Variants in TRPS1 observed in about 807,000 individuals in gnomAD.
TRPS1 encodes zinc finger transcription factor Trps1.
TRPS1 carries 6 observed loss-of-function variants against 101.2 expected under a neutral mutation model. That is an observed-to-expected ratio of 0.06 (90% CI 0.03 to 0.12). The LOEUF is 0.12. Ranked by LOEUF, TRPS1 falls within the 10% of genes least tolerant of loss-of-function variation. TRPS1 has a pLI of 1.00. For synonymous variants in TRPS1, 578 were observed against 589.8 expected, an observed-to-expected ratio of 0.98 and a Z score of 0.29; for missense variants, 1,363 against 1,567.0, an observed-to-expected ratio of 0.87 and a Z score of 2.20.
intron 5 of TRPS1, among the ~76,000 whole-genome samples, chr8:115,478,532 A>C (rs1373867084): frequency 6.6e-6 from 1 of 152,102 alleles, no homozygotes; most frequent in East Asian, 1.9e-4. Context: ...GGCCGGGCAC[A>C]GTGGCTCATG....
chr8:115,504,259 G>A (rs1815387274), intron 5 of TRPS1, among the ~76,000 whole-genome samples: 1 of 152,148 alleles, frequency 6.6e-6, no homozygotes, highest in Non-Finnish European at 1.5e-5. Context: ...AGGGGAATGA[G>A]AACTAGGCAC....
intron 5 of TRPS1, among the ~76,000 whole-genome samples, chr8:115,554,934 T>G (rs1229622853): frequency 1.3e-5 from 2 of 151,986 alleles, no homozygotes; most frequent in Admixed American, 1.3e-4. Flanking sequence ...TGAGACCAGT[T>G]TGACAATGAG....
intron 5 of TRPS1, among the ~76,000 whole-genome samples, chr8:115,431,876 C>T (rs1168756434): frequency 6.6e-6 from 1 of 151,782 alleles, no homozygotes; most frequent in African/African-American, 2.4e-5. Context: ...ACATTTATAT[C>T]CATAAATTTT....
intron 1 of TRPS1, among the ~76,000 whole-genome samples, chr8:115,654,762 T>G (rs1319291156): frequency 6.6e-6 from 1 of 152,164 alleles, no homozygotes; most frequent in Non-Finnish European, 1.5e-5. Context: ...AAAAAAGCAT[T>G]AAGCCTAGAT....
At chr8:115,429,648 C>T (rs1001012685) in intron 5 of TRPS1, among the ~76,000 whole-genome samples, 1 of 152,144 alleles carries the variant, frequency 6.6e-6, no homozygotes, top group African/African-American at 2.4e-5. Flanking sequence ...GAAACCAAAA[C>T]CGAGACCTGG....
intron 5 of TRPS1, among the ~76,000 whole-genome samples, chr8:115,450,909 C>T (rs918517502): frequency 1.1e-4 from 17 of 151,804 alleles, no homozygotes; most frequent in African/African-American, 4.1e-4. Context: ...CGAAAACCCA[C>T]AGAACAACAA....
chr8:115,598,605 T>A (rs1162168966), intron 4 of TRPS1, among the ~76,000 whole-genome samples: 1 of 152,184 alleles, frequency 6.6e-6, no homozygotes, highest in Non-Finnish European at 1.5e-5. Context: ...CCCTGCCTAG[T>A]CTGTTCCTTT....
In TRPS1 at chr8:115,410,894, T is replaced by C. The variant is rs1360393807; in HGVS notation, c.*3129A>G. On this transcript the variant is annotated 3_prime_UTR_variant, in exon 7 of 7. Transcript: ENST00000395715. ...AATTCCTAAATCATCATGAAATTCC[T>C]CATTAAAAAAAGTTCCGTACCATAA... 6.6e-6 allele frequency: 1 copy of C among 151,958 alleles called. No homozygotes were observed. Among genetic ancestry groups the C allele is most frequent in the Non-Finnish European group, 1.5e-5 (1 of 67,964 alleles). 9.4% of individuals were successfully genotyped at this position (151,958 alleles called of 1,614,324 possible). A position where few individuals can be genotyped will look rare whatever the true frequency, so the allele number is the denominator to read the frequency against.
intron 5 of TRPS1, among the ~76,000 whole-genome samples, chr8:115,560,995 C>T (rs972465070): frequency 1.3e-5 from 2 of 152,142 alleles, no homozygotes; most frequent in Non-Finnish European, 1.5e-5. Context: ...ACTCAAAGTA[C>T]GAAAACCACA....
chr8:115,606,546 C>T (rs1158719101), intron 3 of TRPS1, among the ~76,000 whole-genome samples: 1 of 152,082 alleles, frequency 6.6e-6, no homozygotes, highest in Non-Finnish European at 1.5e-5. Context: ...CTGTCAATGA[C>T]AGAGCATCAA....
intron 1 of TRPS1, among the ~76,000 whole-genome samples, chr8:115,659,886 A>G (rs1329691376): frequency 6.6e-6 from 1 of 152,026 alleles, no homozygotes; most frequent in Non-Finnish European, 1.5e-5. Context: ...TACAAAGACT[A>G]AAGTCATTTC....
At chr8:115,461,177 G>GT (rs1359375759) in intron 5 of TRPS1, among the ~76,000 whole-genome samples, 6 of 152,048 alleles carry the variant, frequency 3.9e-5, no homozygotes, top group Non-Finnish European at 7.4e-5. Flanking sequence ...AACTCTCTGT[G>GT]TACCAGGCAC....
intron 5 of TRPS1, among the ~76,000 whole-genome samples, chr8:115,440,642 TAA>T (rs1225731262): frequency 6.6e-6 from 1 of 152,192 alleles, no homozygotes; most frequent in African/African-American, 2.4e-5. Flanking sequence ...GTTTCAGCAA[TAA>T]GTCTTATAAT....
At chr8:115,535,058 T>C (rs532721459) in intron 5 of TRPS1, among the ~76,000 whole-genome samples, 1 of 148,130 alleles carries the variant, frequency 6.8e-6, no homozygotes, top group Non-Finnish European at 1.5e-5. Flanking sequence ...AGCATATGTA[T>C]AGCATATATA....
intron 5 of TRPS1, among the ~76,000 whole-genome samples, chr8:115,448,539 T>G (rs1191345697): frequency 6.6e-6 from 1 of 152,074 alleles, no homozygotes; most frequent in Admixed American, 6.6e-5. Context: ...AGGCCTTTGG[T>G]CAAAAACGCA....
chr8:115,644,496 T>C (rs969600438), intron 1 of TRPS1, among the ~76,000 whole-genome samples: 1 of 152,224 alleles, frequency 6.6e-6, no homozygotes, highest in African/African-American at 2.4e-5. Context: ...GATTAGGCTG[T>C]GCCCTGAGGG....
intron 5 of TRPS1, among the ~76,000 whole-genome samples, chr8:115,444,585 A>G (rs1467973958): frequency 6.6e-6 from 1 of 152,158 alleles, no homozygotes; most frequent in Non-Finnish European, 1.5e-5. Context: ...ACTTGACTAT[A>G]TCTCCCACTA....
At chr8:115,561,186 T>G (rs1816936994) in intron 5 of TRPS1, among the ~76,000 whole-genome samples, 1 of 152,160 alleles carries the variant, frequency 6.6e-6, no homozygotes. Flanking sequence ...GCTTATTCCT[T>G]GCATTTGACA....
intron 5 of TRPS1, among the ~76,000 whole-genome samples, chr8:115,586,771 G>C (rs1817568892): frequency 6.6e-6 from 1 of 152,196 alleles, no homozygotes; most frequent in South Asian, 2.1e-4. Context: ...TCTGAGCTAA[G>C]AGCAAAGACA....
Sources: allele counts gnomAD v4.1 joint callset (sites outside exome capture counted in the v4.1 genomes callset), GRCh38; gene constraint gnomAD v4.1.1; transcripts MANE v1.5; gene names NCBI Gene and HGNC (gene_info 2026-07-23, HGNC 2026-07-21).